Variants in SUSD5 observed in about 807,000 individuals in gnomAD.
SUSD5 encodes sushi domain containing 5, also known as sushi domain-containing protein 5.
Under a neutral mutation model 29.5 loss-of-function variants are expected in SUSD5, and 33 were observed. The ratio of observed to expected loss-of-function variants is 1.12; its 90% CI spans 0.85 to 1.49. The LOEUF (loss-of-function observed/expected upper bound fraction) is 1.49. SUSD5 is among the 40% of genes most tolerant of loss of function. The pLI is 0.00. For missense variants in SUSD5, 776 were observed against 800.6 expected (o/e 0.97, Z 0.37); for synonymous variants, 308 against 325.3 (o/e 0.95, Z 0.57).
At position 33,164,079 on chromosome 3, in the gene SUSD5, C is replaced by G. The variant is rs138425048; in HGVS notation, c.599-10046G>C. On this transcript the variant is annotated intron_variant, in intron 4 of 4. Coordinates refer to ENST00000309558, the MANE Select transcript of SUSD5 (RefSeq NM_015551.2). ...ATCCCAGCTGCTCAGGAGGCTGAGA[C>G]AGGAGAATCACTTGAACCCAGGAGG... Among the ~76,000 whole-genome samples, 185 of 152,166 alleles carry G rather than the reference C, an allele frequency of 1.2e-3. 3 individuals are homozygous for G. In the East Asian group the frequency reaches 0.035, roughly 28 times the overall value.
Position 33,204,873 on chromosome 3 carries a change from T to C in SUSD5, c.409+2935A>G, listed in dbSNP as rs1377285700. ...TAATTTCAAAGTTACATAAACATTA[T>C]AAAAGCAAGGAACCCACCTTTTATG... On this transcript the variant is annotated intron_variant, in intron 3 of 4. Transcript: ENST00000309558. This position sits in a 1 kb window ranked among gnomAD's most constrained non-coding sequence, Gnocchi z 4.5. 6.6e-6 allele frequency among the ~76,000 whole-genome samples: 1 copy of C among 152,164 alleles called. No homozygotes were observed. Among genetic ancestry groups the C allele is most frequent in the Non-Finnish European group, 1.5e-5 (1 of 68,026 alleles).
rs2032413909 is a variant in SUSD5, at chr3:33,215,503, ATGT to A, written c.113-1401_113-1399del. Among the ~76,000 whole-genome samples, 7 of 152,302 alleles carry A rather than the reference ATGT, an allele frequency of 4.6e-5. No homozygotes were observed. The South Asian group carries it at 1.4e-3, about 32-fold the overall frequency. ...TTATATAGTGTTTACTATGGACTAGATGTTGTTCAAATTGCTTTACAAATACTC... is the reference window on the plus strand; with the variant it reads ...TTATATAGTGTTTACTATGGACTAGATGTTCAAATTGCTTTACAAATACTC... On this transcript the variant is annotated intron_variant, in intron 1 of 4. Transcript: ENST00000309558.
chr3:33,184,583 T>C (rs901286169), intron 3 of SUSD5, among the ~76,000 whole-genome samples: 2 of 152,148 alleles, frequency 1.3e-5, no homozygotes, highest in Non-Finnish European at 2.9e-5. Context: ...TGGTACCCCA[T>C]AGTTCTTGGA....
intron 3 of SUSD5, among the ~76,000 whole-genome samples, chr3:33,179,191 T>C (rs1185091717): frequency 6.6e-6 from 1 of 152,242 alleles, no homozygotes; most frequent in African/African-American, 2.4e-5. Flanking sequence ...ATCAAATTTG[T>C]AGGCATAGAG....
At chr3:33,160,333 G>A (rs1306619272) in intron 4 of SUSD5, among the ~76,000 whole-genome samples, 1 of 151,756 alleles carries the variant, frequency 6.6e-6, no homozygotes, top group East Asian at 1.9e-4. Flanking sequence ...CTGAGGCAGG[G>A]GGATCATTTG....
chr3:33,177,924 C>T (rs56076408), intron 3 of SUSD5, among the ~76,000 whole-genome samples: 23,252 of 152,170 alleles, frequency 0.15, 2,034 homozygotes, highest in South Asian at 0.28. Flanking sequence ...TATCTGCAGA[C>T]AAAGACAGTT....
intron 4 of SUSD5, among the ~76,000 whole-genome samples, chr3:33,165,969 C>G (rs576027956): frequency 6.1e-5 from 9 of 148,088 alleles, no homozygotes; most frequent in South Asian, 2.1e-4. Context: ...ATAGTGAGAC[C>G]CACTGCACCG....
chr3:33,188,386 C>T (rs1190735803), intron 3 of SUSD5, among the ~76,000 whole-genome samples: 2 of 152,160 alleles, frequency 1.3e-5, no homozygotes, highest in Non-Finnish European at 2.9e-5. Context: ...AGCTCCCTCC[C>T]ACTCACTCCA....
At chr3:33,210,472 C>A (rs982711043) in intron 2 of SUSD5, among the ~76,000 whole-genome samples, 1 of 152,234 alleles carries the variant, frequency 6.6e-6, no homozygotes, top group Non-Finnish European at 1.5e-5. Flanking sequence ...TTTATGGAAT[C>A]TGCAAAGGTT....
rs527605819 is a variant in SUSD5, at chr3:33,150,421, G to C, written c.*2321C>G. ...TTTGTTGGTATAAATCCAATGTTCTGGGTTATTCCACAATAATAGTTGCTA... is the reference window on the plus strand; with the variant it reads ...TTTGTTGGTATAAATCCAATGTTCTCGGTTATTCCACAATAATAGTTGCTA... On this transcript the variant is annotated 3_prime_UTR_variant, in exon 5 of 5. Transcript: ENST00000309558. 25 of 151,966 alleles carry C rather than the reference G, an allele frequency of 1.6e-4. No homozygotes were observed. In the South Asian group the frequency reaches 2.3e-3, roughly 14 times the overall value. 9.4% of individuals were successfully genotyped at this position (151,966 alleles called of 1,614,324 possible).
chr3:33,159,982 C>T lies in SUSD5; in HGVS notation c.599-5949G>A, dbSNP rs79796047. On this transcript the variant is annotated intron_variant, in intron 4 of 4. Coordinates refer to ENST00000309558, the MANE Select transcript of SUSD5 (RefSeq NM_015551.2). ...TGGGAGTCAGCAAATCCTAGAGAGA[C>T]GCAAAGTGGATGGAGAGAACCAGAC... Among the ~76,000 whole-genome samples, 389 of 152,204 alleles carry T rather than the reference C, an allele frequency of 2.6e-3. 1 individual carries two copies. Among genetic ancestry groups the T allele is most frequent in the South Asian group, 5.2e-3 (25 of 4,824 alleles).
At chr3:33,155,726 CA>C (rs2031035569) in intron 4 of SUSD5, among the ~76,000 whole-genome samples, 1 of 152,168 alleles carries the variant, frequency 6.6e-6, no homozygotes, top group African/African-American at 2.4e-5. Context: ...CACTGCTTCC[CA>C]CAACAAAATA....
intron 3 of SUSD5, among the ~76,000 whole-genome samples, chr3:33,203,690 C>A (rs539217757): frequency 6.6e-6 from 1 of 152,194 alleles, no homozygotes; most frequent in Non-Finnish European, 1.5e-5. Flanking sequence ...AAAGCTGAGA[C>A]GACCTAGATA....
Position 33,167,779 on chromosome 3 carries a change from G to A in SUSD5, c.598+7107C>T, listed in dbSNP as rs972988276. 2.0e-5 allele frequency among the ~76,000 whole-genome samples: 3 copies of A among 152,200 alleles called. No homozygotes were observed. Among genetic ancestry groups the A allele is most frequent in the Non-Finnish European group, 4.4e-5 (3 of 68,042 alleles). On this transcript the variant is annotated intron_variant, in intron 4 of 4. Transcript: ENST00000309558. This position sits in a 1 kb window ranked among gnomAD's most constrained non-coding sequence, Gnocchi z 4.1. The stretch of plus-strand genomic sequence containing the variant: ...ACCAACAAGCACATTCTGCCCACAA[G>A]ATGGAGAAGCCCAGCTCTCTGCCTG...
At chr3:33,169,545 G>A (rs553865094) in intron 4 of SUSD5, among the ~76,000 whole-genome samples, 67 of 152,296 alleles carry the variant, frequency 4.4e-4, no homozygotes, top group African/African-American at 1.5e-3. Flanking sequence ...AATGAGTACA[G>A]TTTATGGTAT....
chr3:33,186,610 A>G (rs1371127829), intron 3 of SUSD5, among the ~76,000 whole-genome samples: 1 of 151,852 alleles, frequency 6.6e-6, no homozygotes, highest in Non-Finnish European at 1.5e-5. Context: ...TATTTTTAGT[A>G]CAGACAGGGT....
chr3:33,177,827 C>T (rs1307398240), intron 3 of SUSD5, among the ~76,000 whole-genome samples: 1 of 152,140 alleles, frequency 6.6e-6, no homozygotes, highest in Non-Finnish European at 1.5e-5. Context: ...ATGTGCAGAA[C>T]GTGCGGGTTT....
chr3:33,179,731 C>T (rs2031630922), intron 3 of SUSD5, among the ~76,000 whole-genome samples: 2 of 152,110 alleles, frequency 1.3e-5, no homozygotes, highest in African/African-American at 4.8e-5. Flanking sequence ...CATTTTATTG[C>T]TCTTTTCAAA....
At chr3:33,181,452 C>T (rs1415521304) in intron 3 of SUSD5, among the ~76,000 whole-genome samples, 1 of 149,916 alleles carries the variant, frequency 6.7e-6, no homozygotes, top group East Asian at 2.0e-4. Context: ...AATGCTGTGA[C>T]ATGATCGTGG....
Sources: gnomAD v4.1 joint callset for allele counts (sites outside exome capture counted in the v4.1 genomes callset) on GRCh38, gnomAD v4.1.1 for gene constraint, Gnocchi (gnomAD v3.1) non-coding constraint, MANE v1.5 for transcripts, NCBI Gene and HGNC (gene_info 2026-07-23, HGNC 2026-07-21) for gene names.